The following LRRC4C variants were observed in gnomAD, a reference collection of about 807,000 sequenced individuals.
The protein encoded by LRRC4C is leucine rich repeat containing 4C.
LRRC4C carries 5 observed loss-of-function variants against 33.6 expected under a neutral mutation model. The ratio of observed to expected loss-of-function variants is 0.15; its 90% CI spans 0.08 to 0.31. The LOEUF is 0.31. LRRC4C is among the 10% of genes least tolerant of loss of function. The pLI, the probability that LRRC4C is intolerant of heterozygous loss-of-function variation, is 1.00. For synonymous variants in LRRC4C, 329 were observed against 302.0 expected, an observed-to-expected ratio of 1.09 and a Z score of -0.93; for missense variants, 560 against 796.7, an observed-to-expected ratio of 0.70 and a Z score of 3.58.
intron 3 of LRRC4C, among the ~76,000 whole-genome samples, chr11:40,412,512 G>A (rs1565362992): frequency 6.6e-6 from 1 of 151,868 alleles, no homozygotes; most frequent in Non-Finnish European, 1.5e-5. Context: ...AAAAATTCTG[G>A]ATGAACAACA....
chr11:40,306,440 C>G (rs1945034335), intron 4 of LRRC4C, among the ~76,000 whole-genome samples: 1 of 152,192 alleles, frequency 6.6e-6, no homozygotes, highest in Middle Eastern at 3.2e-3. Context: ...ACCTTCAAAA[C>G]TGTCCCCGAT....
intron 1 of LRRC4C, among the ~76,000 whole-genome samples, chr11:41,406,540 T>A (rs1954240159): frequency 6.6e-6 from 1 of 152,042 alleles, no homozygotes; most frequent in Non-Finnish European, 1.5e-5. Context: ...TCTGAAGAAT[T>A]TCCACCTCCT....
intron 3 of LRRC4C, among the ~76,000 whole-genome samples, chr11:40,357,321 G>A (rs7937178): frequency 0.51 from 77,510 of 151,904 alleles, 20,138 homozygotes; most frequent in East Asian, 0.8. Flanking sequence ...GAGAACAGGG[G>A]CGTGCTTTCT....
intron 1 of LRRC4C, among the ~76,000 whole-genome samples, chr11:41,279,395 C>CACAA (rs1949588395): frequency 7.8e-6 from 1 of 127,514 alleles, no homozygotes; most frequent in Non-Finnish European, 1.7e-5. Context: ...CACACACACA[C>CACAA]ACACACACAC....
At chr11:40,177,105 C>A (rs1860566982) in intron 5 of LRRC4C, among the ~76,000 whole-genome samples, 1 of 151,844 alleles carries the variant, frequency 6.6e-6, no homozygotes, top group Non-Finnish European at 1.5e-5. Flanking sequence ...AGGCGCCCGC[C>A]ACCATGTCCA....
intron 2 of LRRC4C, among the ~76,000 whole-genome samples, chr11:40,858,014 AAAGG>A (rs770476288): frequency 7.2e-5 from 9 of 124,976 alleles, no homozygotes; most frequent in East Asian, 2.4e-4. Context: ...AGGGACAAGG[AAAGG>A]AAGGGAAGGG....
At chr11:40,861,353 G>A (rs1954092073) in intron 2 of LRRC4C, among the ~76,000 whole-genome samples, 1 of 152,134 alleles carries the variant, frequency 6.6e-6, no homozygotes, top group South Asian at 2.1e-4. Flanking sequence ...CATGAGCCTG[G>A]AAGGAGACCC....
intron 2 of LRRC4C, among the ~76,000 whole-genome samples, chr11:40,742,047 T>C (rs932668353): frequency 6.6e-6 from 1 of 152,038 alleles, no homozygotes; most frequent in Non-Finnish European, 1.5e-5. Context: ...AAAAATCTAA[T>C]ATTGCCATAA....
chr11:40,259,157 C>T (rs1039269073), intron 4 of LRRC4C, among the ~76,000 whole-genome samples: 1 of 152,160 alleles, frequency 6.6e-6, no homozygotes, highest in South Asian at 2.1e-4. Flanking sequence ...TCTCAGACTG[C>T]ACTCTTAAAA....
At chr11:41,131,629 A>T (rs192871112) in intron 1 of LRRC4C, among the ~76,000 whole-genome samples, 2 of 152,208 alleles carry the variant, frequency 1.3e-5, no homozygotes, top group Admixed American at 1.3e-4. Flanking sequence ...GCTGAGACCT[A>T]CAGGGCTGCA....
At chr11:41,081,252 C>T (rs114685910) in intron 1 of LRRC4C, among the ~76,000 whole-genome samples, 392 of 152,212 alleles carry the variant, frequency 2.6e-3, no homozygotes, top group African/African-American at 9.1e-3. Flanking sequence ...TTGGGAAGCC[C>T]ATATGAAACA....
At chr11:41,232,421 C>T (rs1800462979) in intron 1 of LRRC4C, among the ~76,000 whole-genome samples, 1 of 151,984 alleles carries the variant, frequency 6.6e-6, no homozygotes, top group Non-Finnish European at 1.5e-5. Context: ...TCAGACATAA[C>T]AATCAAAAAT....
At chr11:40,639,542 C>T (rs185503332) in intron 3 of LRRC4C, among the ~76,000 whole-genome samples, 11 of 152,310 alleles carry the variant, frequency 7.2e-5, no homozygotes, top group Admixed American at 5.2e-4. Context: ...CCCATTCGCT[C>T]GACAATTTGT....
At chr11:40,463,080 T>C (rs1024565801) in intron 3 of LRRC4C, among the ~76,000 whole-genome samples, 2 of 152,084 alleles carry the variant, frequency 1.3e-5, no homozygotes, top group African/African-American at 2.4e-5. Flanking sequence ...CAAGTAACTA[T>C]GGTCAAGGGG....
At chr11:41,258,685 G>A (rs1434190574) in intron 1 of LRRC4C, among the ~76,000 whole-genome samples, 3 of 151,974 alleles carry the variant, frequency 2.0e-5, no homozygotes, top group Non-Finnish European at 4.4e-5. Context: ...GAGGAAAAAT[G>A]TAATTGACAT....
intron 1 of LRRC4C, among the ~76,000 whole-genome samples, chr11:41,213,344 A>T (rs1038550238): frequency 6.6e-6 from 1 of 152,222 alleles, no homozygotes; most frequent in African/African-American, 2.4e-5. Context: ...GGAGAAATGG[A>T]CATTAATGCC....
At chr11:40,361,362 G>A (rs1947940921) in intron 3 of LRRC4C, among the ~76,000 whole-genome samples, 1 of 152,120 alleles carries the variant, frequency 6.6e-6, no homozygotes, top group African/African-American at 2.4e-5. Context: ...CTTGAACAGT[G>A]TCTTAGGATA....
intron 1 of LRRC4C, among the ~76,000 whole-genome samples, chr11:41,004,869 G>T (rs749456500): frequency 6.6e-6 from 1 of 152,106 alleles, no homozygotes; most frequent in East Asian, 1.9e-4. Context: ...TTAAAATCAC[G>T]TGGCATTTTA....
chr11:40,575,240 G>A (rs988246762), intron 3 of LRRC4C, among the ~76,000 whole-genome samples: 2 of 152,142 alleles, frequency 1.3e-5, no homozygotes. Context: ...ATAAGCGCAC[G>A]TCATGGGGTT....
Sources: gnomAD v4.1 joint callset for allele counts (sites outside exome capture counted in the v4.1 genomes callset) on GRCh38, gnomAD v4.1.1 for gene constraint, MANE v1.5 for transcripts, NCBI Gene and HGNC (gene_info 2026-07-23, HGNC 2026-07-21) for gene names.